Variants in RTL4 observed in about 807,000 individuals in gnomAD.
RTL4 encodes the protein retrotransposon Gag like 4.
Under a neutral mutation model 5.3 loss-of-function variants are expected in RTL4, and 4 were observed. The observed-to-expected ratio is 0.75, with a 90% confidence interval of 0.37 to 1.72. The LOEUF (loss-of-function observed/expected upper bound fraction) is 1.72. Among genes scored for constraint, RTL4 ranks in the 40% most tolerant of loss-of-function variants. The pLI, the probability that RTL4 is intolerant of heterozygous loss-of-function variation, is 0.04. For missense variants in RTL4, 260 were observed against 227.1 expected, an observed-to-expected ratio of 1.14 and a Z score of -0.93; for synonymous variants, 98 against 87.3, an observed-to-expected ratio of 1.12 and a Z score of -0.68.
chrX:112,384,190 T>C, the RTL4 span, among the ~76,000 whole-genome samples: 1 of 112,139 alleles, frequency 8.9e-6, no homozygotes, highest in Non-Finnish European at 1.9e-5. Context: ...TCTGCACCTG[T>C]ATCCCAGAAC....
chrX:112,387,419 C>CA, the RTL4 span, among the ~76,000 whole-genome samples: 19,118 of 105,398 alleles, frequency 0.18, 1,514 homozygotes, highest in Admixed American at 0.29. Flanking sequence ...GATCACATCA[C>CA]AGGACTTTTT....
the RTL4 span, among the ~76,000 whole-genome samples, chrX:112,266,455 C>T: frequency 2.7e-5 from 3 of 110,522 alleles, no homozygotes; most frequent in Non-Finnish European, 5.7e-5. Flanking sequence ...TTTAGGACTC[C>T]TCAAGACCTT....
At chrX:112,087,329 C>A in the RTL4 span, among the ~76,000 whole-genome samples, 661 of 91,250 alleles carry the variant, frequency 7.2e-3, 6 homozygotes, top group African/African-American at 0.025. Flanking sequence ...TGGTCTTCAG[C>A]TTTTTTTTTT....
chrX:112,193,154 A>G, the RTL4 span, among the ~76,000 whole-genome samples: 3 of 111,489 alleles, frequency 2.7e-5, no homozygotes, highest in African/African-American at 6.5e-5. Context: ...TTTAATTTTT[A>G]TGGATAACAT....
the RTL4 span, among the ~76,000 whole-genome samples, chrX:112,116,537 A>G: frequency 1.8e-5 from 2 of 111,669 alleles, no homozygotes; most frequent in Non-Finnish European, 3.8e-5. Flanking sequence ...TCCATTTTAC[A>G]GAGTGCTGAT....
chrX:112,318,350 T>G, the RTL4 span, among the ~76,000 whole-genome samples: 1 of 112,006 alleles, frequency 8.9e-6, no homozygotes, highest in Non-Finnish European at 1.9e-5. Context: ...TTCTTAATTT[T>G]TCTCCATTGT....
chrX:112,233,437 C>G, the RTL4 span, among the ~76,000 whole-genome samples: 2 of 110,258 alleles, frequency 1.8e-5, no homozygotes, highest in African/African-American at 3.3e-5. Context: ...TATTATAGCC[C>G]TTGAGGTGAA....
At chrX:112,397,592 C>T in the RTL4 span, among the ~76,000 whole-genome samples, 1 of 112,000 alleles carries the variant, frequency 8.9e-6, no homozygotes, top group East Asian at 2.8e-4. Flanking sequence ...GAGAAGAAAA[C>T]AGACATCTTA....
chrX:112,350,089 G>C, the RTL4 span, among the ~76,000 whole-genome samples: 2 of 110,946 alleles, frequency 1.8e-5, no homozygotes, highest in African/African-American at 6.5e-5. Context: ...GTTGAATTTT[G>C]TCAAAGGCCT....
the RTL4 span, among the ~76,000 whole-genome samples, chrX:112,232,809 T>C: frequency 4.5e-5 from 5 of 111,308 alleles, no homozygotes; most frequent in Admixed American, 1.9e-4. Flanking sequence ...TTAAAAACCT[T>C]AGGAGACAGG....
At chrX:112,170,295 A>G in the RTL4 span, among the ~76,000 whole-genome samples, 1 of 111,948 alleles carries the variant, frequency 8.9e-6, no homozygotes, top group South Asian at 3.8e-4. Context: ...AAATCTGTGA[A>G]ATGTCAATGG....
chrX:112,382,900 T>A, the RTL4 span, among the ~76,000 whole-genome samples: 2,219 of 111,978 alleles, frequency 0.02, 48 homozygotes, highest in African/African-American at 0.066. Context: ...TCAGCTCTTT[T>A]GAAAATGTTT....
chrX:112,088,787 G>A, the RTL4 span, among the ~76,000 whole-genome samples: 1 of 112,088 alleles, frequency 8.9e-6, no homozygotes, highest in Non-Finnish European at 1.9e-5. Context: ...TTGCGGATTT[G>A]GTTTGCATTT....
the RTL4 span, among the ~76,000 whole-genome samples, chrX:112,243,769 G>A: frequency 3.6e-5 from 4 of 111,234 alleles, no homozygotes; most frequent in African/African-American, 1.3e-4. Flanking sequence ...TTCTTCTCTG[G>A]TTCTTTTAAT....
the RTL4 span, among the ~76,000 whole-genome samples, chrX:112,162,923 G>A: frequency 8.9e-6 from 1 of 111,931 alleles, no homozygotes; most frequent in African/African-American, 3.2e-5. Flanking sequence ...TTATTTAGCG[G>A]CATCTGAAAA....
the RTL4 span, among the ~76,000 whole-genome samples, chrX:112,158,548 T>C: frequency 9.1e-6 from 1 of 109,622 alleles, no homozygotes; most frequent in South Asian, 3.9e-4. Context: ...AATACGAATT[T>C]TTTTACCAAA....
chrX:112,330,669 A>G, the RTL4 span, among the ~76,000 whole-genome samples: 1 of 111,292 alleles, frequency 9.0e-6, no homozygotes, highest in Admixed American at 9.6e-5. Context: ...TAAAGTTCAT[A>G]TGGAACCAAA....
chrX:112,114,484 C>A, the RTL4 span, among the ~76,000 whole-genome samples: 1 of 111,938 alleles, frequency 8.9e-6, no homozygotes, highest in Admixed American at 9.5e-5. Context: ...CGAAGCTTTG[C>A]CCTAGACCAT....
the RTL4 span, among the ~76,000 whole-genome samples, chrX:112,345,821 C>T: frequency 9.0e-6 from 1 of 111,518 alleles, no homozygotes; most frequent in Non-Finnish European, 1.9e-5. Flanking sequence ...ACCCCTAGTT[C>T]TGGTCTGTTT....
Sources: allele counts gnomAD v4.1 joint callset (sites outside exome capture counted in the v4.1 genomes callset), GRCh38; gene constraint gnomAD v4.1.1; transcripts MANE v1.5; gene names NCBI Gene and HGNC (gene_info 2026-07-23, HGNC 2026-07-21).